Variants in ASTN2 observed in about 807,000 individuals in gnomAD.
ASTN2 encodes the protein astrotactin-2.
A neutral mutation model predicts 139.8 loss-of-function variants in ASTN2; 54 were observed. That is an observed-to-expected ratio of 0.39 (90% CI 0.31 to 0.48). ASTN2 has a LOEUF of 0.48. ASTN2 is among the 20% of genes least tolerant of loss of function. The pLI, the probability that ASTN2 is intolerant of heterozygous loss-of-function variation, is 0.95. For synonymous variants in ASTN2, 756 were observed against 719.5 expected (o/e 1.05, Z -0.81); for missense variants, 1,565 against 1,725.1 (o/e 0.91, Z 1.64).
intron 19 of ASTN2, among the ~76,000 whole-genome samples, chr9:116,500,937 T>G (rs1849832040): frequency 6.6e-6 from 1 of 152,180 alleles, no homozygotes; most frequent in Non-Finnish European, 1.5e-5. Flanking sequence ...TGAATTATCC[T>G]CATGTATTTA....
intron 5 of ASTN2, among the ~76,000 whole-genome samples, chr9:117,040,172 C>T (rs893451794): frequency 6.6e-6 from 1 of 152,224 alleles, no homozygotes; most frequent in African/African-American, 2.4e-5. Context: ...GCAAAATGGG[C>T]TTCTTATGAT....
intron 1 of ASTN2, among the ~76,000 whole-genome samples, chr9:117,330,687 C>T (rs1230494070): frequency 1.3e-5 from 2 of 152,172 alleles, no homozygotes; most frequent in African/African-American, 4.8e-5. Context: ...CTTTCCTCCC[C>T]AGCTGCAAAT....
intron 10 of ASTN2, among the ~76,000 whole-genome samples, chr9:116,887,835 G>A (rs1168543083): frequency 6.6e-6 from 1 of 151,730 alleles, no homozygotes; most frequent in Admixed American, 6.6e-5. Context: ...ATCCAGCTAA[G>A]TTTTATATTT....
intron 20 of ASTN2, among the ~76,000 whole-genome samples, chr9:116,448,199 C>T (rs971808497): frequency 6.7e-6 from 1 of 149,032 alleles, no homozygotes; most frequent in African/African-American, 2.5e-5. Flanking sequence ...AGGCCAGAGG[C>T]CCCAGTCTTG....
intron 13 of ASTN2, among the ~76,000 whole-genome samples, chr9:116,737,906 A>C (rs922025832): frequency 3.3e-5 from 5 of 152,122 alleles, no homozygotes; most frequent in Admixed American, 3.3e-4. Flanking sequence ...AAAAGACTAC[A>C]TATTGGCCGG....
At position 116,697,084 on chromosome 9, in the gene ASTN2, T is replaced by C. The variant is rs191049736; in HGVS notation, c.2806+28687A>G. ...CTGCTTTTGGGAAGCCTTCCCCAAG[T>C]CTGTTAGGTAGAATCCATCATTCCA... On this transcript the variant is annotated intron_variant, in intron 16 of 22. Transcript: ENST00000313400. Among the ~76,000 whole-genome samples, 60 of 152,302 alleles carry C rather than the reference T, an allele frequency of 3.9e-4. No homozygotes were observed. In the East Asian group the frequency reaches 0.011, roughly 28 times the overall value.
At chr9:116,502,620 G>C (rs190756926) in intron 19 of ASTN2, among the ~76,000 whole-genome samples, 2 of 150,516 alleles carry the variant, frequency 1.3e-5, no homozygotes, top group Admixed American at 6.7e-5. Context: ...GAGAAACAGA[G>C]AAAATCGGGG....
chr9:116,629,019 A>T (rs1330225779), intron 17 of ASTN2, among the ~76,000 whole-genome samples: 3 of 150,886 alleles, frequency 2.0e-5, no homozygotes, highest in Non-Finnish European at 4.4e-5. Context: ...GCATTTCTTT[A>T]TTCTGTGCCT....
intron 10 of ASTN2, among the ~76,000 whole-genome samples, chr9:116,942,115 C>A (rs10817964): frequency 0.32 from 29,778 of 93,588 alleles, 3,050 homozygotes; most frequent in East Asian, 0.38. Flanking sequence ...CACACACACA[C>A]CACACACACA....
chr9:117,411,751 C>T (rs1831167060), intron 1 of ASTN2, among the ~76,000 whole-genome samples: 1 of 152,162 alleles, frequency 6.6e-6, no homozygotes, highest in African/African-American at 2.4e-5. Context: ...GTGGTAGCTC[C>T]ACACTCCCCA....
intron 10 of ASTN2, among the ~76,000 whole-genome samples, chr9:116,875,728 T>C (rs1833277554): frequency 6.6e-6 from 1 of 152,206 alleles, no homozygotes; most frequent in South Asian, 2.1e-4. Flanking sequence ...AAGCCAATAC[T>C]AGTTTACCAT....
intron 19 of ASTN2, chr9:116,540,319 C>T (rs985706795): frequency 2.0e-5 from 3 of 152,090 alleles, no homozygotes; most frequent in Non-Finnish European, 4.4e-5. Context: ...AAAAATCATA[C>T]CCATCTAAAT....
intron 7 of ASTN2, among the ~76,000 whole-genome samples, chr9:117,000,404 T>G (rs1837161415): frequency 6.6e-6 from 1 of 152,184 alleles, no homozygotes; most frequent in Non-Finnish European, 1.5e-5. Context: ...AAAGAATGAG[T>G]TAGTGTTCCG....
At chr9:116,911,891 TCAAA>T (rs113566279) in intron 10 of ASTN2, among the ~76,000 whole-genome samples, 4,523 of 151,970 alleles carry the variant, frequency 0.03, 86 homozygotes, top group African/African-American at 0.059. Context: ...AAACTCCACC[TCAAA>T]CAAACAAACA....
intron 1 of ASTN2, among the ~76,000 whole-genome samples, chr9:117,381,943 A>G (rs941531185): frequency 6.6e-6 from 1 of 152,172 alleles, no homozygotes; most frequent in African/African-American, 2.4e-5. Context: ...GGGAGAGAAG[A>G]TATGGTTCAC....
At chr9:116,867,295 G>GA (rs1434491628) in intron 10 of ASTN2, among the ~76,000 whole-genome samples, 3 of 152,052 alleles carry the variant, frequency 2.0e-5, no homozygotes, top group Non-Finnish European at 4.4e-5. Flanking sequence ...GGGAGAGTGA[G>GA]AAAAGAGAGC....
chr9:117,163,038 G>GCT (rs1830588162), intron 3 of ASTN2, among the ~76,000 whole-genome samples: 1 of 152,040 alleles, frequency 6.6e-6, no homozygotes, highest in East Asian at 1.9e-4. Context: ...TTATGAAAAT[G>GCT]CCAGTCAACC....
intron 16 of ASTN2, among the ~76,000 whole-genome samples, chr9:116,666,112 C>A (rs1858847388): frequency 6.6e-6 from 1 of 152,122 alleles, no homozygotes. Context: ...ATCAATGAAT[C>A]CTAAAACTGC....
intron 1 of ASTN2, among the ~76,000 whole-genome samples, chr9:117,373,541 C>T (rs1012096010): frequency 1.3e-5 from 2 of 152,132 alleles, no homozygotes; most frequent in Non-Finnish European, 2.9e-5. Context: ...GAGGAACATC[C>T]ATTCAGAAAG....
Sources: gnomAD v4.1 joint callset for allele counts (sites outside exome capture counted in the v4.1 genomes callset) on GRCh38, gnomAD v4.1.1 for gene constraint, MANE v1.5 for transcripts, NCBI Gene and HGNC (gene_info 2026-07-23, HGNC 2026-07-21) for gene names.